The following CALN1 variants were observed in gnomAD, a reference collection of about 807,000 sequenced individuals.
CALN1 encodes calcium-binding protein 8.
Under a neutral mutation model 30.6 loss-of-function variants are expected in CALN1, and 17 were observed. That is an observed-to-expected ratio of 0.56 (90% CI 0.38 to 0.83). CALN1 has a LOEUF of 0.83. Among genes scored for constraint, CALN1 ranks in the 40% least tolerant of loss-of-function variants. The probability of loss-of-function intolerance (pLI) is 0.00; values close to 1 mark genes in which losing one functional copy is unlikely to be tolerated. For synonymous variants in CALN1, 156 were observed against 131.4 expected, an observed-to-expected ratio of 1.19 and a Z score of -1.28; for missense variants, 291 against 354.9, an observed-to-expected ratio of 0.82 and a Z score of 1.45.
chr7:72,468,049 C>T, the CALN1 span, among the ~76,000 whole-genome samples: 1 of 152,188 alleles, frequency 6.6e-6, no homozygotes, highest in African/African-American at 2.4e-5. Context: ...TTTCAAGGTC[C>T]ATCCATGTTG....
intron 2 of CALN1, among the ~76,000 whole-genome samples, chr7:72,329,852 A>G (rs1290391491): frequency 6.6e-6 from 1 of 151,822 alleles, no homozygotes; most frequent in African/African-American, 2.4e-5. Context: ...TATTCAGGAG[A>G]CTGAGGCAGG....
chr7:72,230,725 C>A, intron 3 of CALN1, among the ~76,000 whole-genome samples: 1 of 152,178 alleles, frequency 6.6e-6, no homozygotes, highest in Middle Eastern at 3.2e-3. Context: ...CAGTAAGATG[C>A]ATTCCAAACT....
At chr7:72,189,104 C>T (rs1161698432) in intron 3 of CALN1, among the ~76,000 whole-genome samples, 1 of 152,170 alleles carries the variant, frequency 6.6e-6, no homozygotes, top group Non-Finnish European at 1.5e-5. Flanking sequence ...AGACTCTTAA[C>T]CCCCGCAAAA....
chr7:72,181,110 C>CCCA (rs1491092308), intron 3 of CALN1, among the ~76,000 whole-genome samples: 1 of 28,640 alleles, frequency 3.5e-5, no homozygotes, highest in Non-Finnish European at 8.5e-5. Flanking sequence ...CCCCCCCCCC[C>CCCA]AAAAAAAAAA....
intron 5 of CALN1, among the ~76,000 whole-genome samples, chr7:71,926,134 C>T (rs982640999): frequency 1.3e-5 from 2 of 152,126 alleles, no homozygotes; most frequent in African/African-American, 4.8e-5. Flanking sequence ...GAAGCTAACT[C>T]CCCACATGCT....
At chr7:72,105,638 G>A (rs1807036132) in intron 4 of CALN1, among the ~76,000 whole-genome samples, 1 of 151,290 alleles carries the variant, frequency 6.6e-6, no homozygotes, top group African/African-American at 2.4e-5. Flanking sequence ...ACAAAACCCT[G>A]CACATCCACT....
intron 4 of CALN1, among the ~76,000 whole-genome samples, chr7:72,079,761 CTTTTTTT>C (rs3065015): frequency 0.018 from 1,867 of 104,024 alleles, 30 homozygotes; most frequent in Non-Finnish European, 0.022. Context: ...TGCCTTTTTC[CTTTTTTT>C]TTTTTTTTTT....
At chr7:72,215,283 C>A (rs1426395135) in intron 3 of CALN1, among the ~76,000 whole-genome samples, 2 of 152,132 alleles carry the variant, frequency 1.3e-5, no homozygotes, top group Non-Finnish European at 2.9e-5. Context: ...TGCCTCACCA[C>A]CTCTGTTGAA....
At chr7:71,931,442 T>C (rs1404402406) in intron 5 of CALN1, among the ~76,000 whole-genome samples, 2 of 152,170 alleles carry the variant, frequency 1.3e-5, no homozygotes, top group African/African-American at 4.8e-5. Context: ...GATTTTTGTA[T>C]TTTTAGTAGA....
intron 2 of CALN1, among the ~76,000 whole-genome samples, chr7:72,359,407 G>A (rs1335986203): frequency 6.6e-6 from 1 of 152,180 alleles, no homozygotes; most frequent in African/African-American, 2.4e-5. Context: ...TCTTTCCAGA[G>A]ATATTTTACA....
At chr7:72,476,689 C>T in the CALN1 span, among the ~76,000 whole-genome samples, 1 of 152,336 alleles carries the variant, frequency 6.6e-6, no homozygotes, top group South Asian at 2.1e-4. Context: ...TTCAGGGATG[C>T]TTTTCCAGCT....
chr7:71,852,242 T>C (rs916582152), intron 5 of CALN1, among the ~76,000 whole-genome samples: 4 of 152,174 alleles, frequency 2.6e-5, no homozygotes, highest in Admixed American at 6.5e-5. Flanking sequence ...CCATGAACAA[T>C]CTTGTACACA....
At chr7:72,261,376 C>G (rs1796262079) in intron 3 of CALN1, among the ~76,000 whole-genome samples, 1 of 151,786 alleles carries the variant, frequency 6.6e-6, no homozygotes, top group South Asian at 2.1e-4. Context: ...AATGGTGGCA[C>G]ACTCCTGAGG....
At chr7:72,484,806 C>T in the CALN1 span, among the ~76,000 whole-genome samples, 3 of 152,200 alleles carry the variant, frequency 2.0e-5, no homozygotes, top group Non-Finnish European at 1.5e-5. Context: ...GGGCTTGCCT[C>T]GTTTCTTTAT....
rs946489275 is a variant in CALN1 at position 72,088,326 on chromosome 7, G to A, written c.388+17825C>T. Among the ~76,000 whole-genome samples the A allele has an allele frequency of 3.3e-5, 5 of 152,246 alleles. No homozygotes were observed. In the South Asian group the frequency reaches 1.0e-3, roughly 32 times the overall value. ...TAAGCCAAATTAGATTATTCACAAG[G>A]AAGGAAAAGCAGGTTATCACAAACT... On this transcript the variant is annotated intron_variant, in intron 4 of 6. Transcript: ENST00000395275.
rs181850623 is a variant in CALN1, at chr7:72,121,316, T to C, written c.245-15022A>G. Among the ~76,000 whole-genome samples the C allele has an allele frequency of 3.6e-3, 517 of 144,004 alleles. 6 individuals are homozygous for C. Among genetic ancestry groups the C allele is most frequent in the African/African-American group, 0.012 (488 of 39,674 alleles). The allele number at this position is 144,004 out of a possible 152,430, so 94.5% of individuals were successfully genotyped here. A position where few individuals can be genotyped will look rare whatever the true frequency, so the allele number is the denominator to read the frequency against. On this transcript the variant is annotated intron_variant, in intron 3 of 6. Coordinates refer to ENST00000395275, the MANE Select transcript of CALN1 (RefSeq NM_031468.4). ...TTATATAATTTATAAATTAAGTGAA[T>C]ATATAAATTAAATAATATATAAATT...
intron 4 of CALN1, among the ~76,000 whole-genome samples, chr7:72,103,886 G>A (rs1391609242): frequency 4.6e-5 from 7 of 152,072 alleles, no homozygotes; most frequent in East Asian, 1.9e-4. Flanking sequence ...CAAAGCTTGC[G>A]GGTTATCGTG....
the CALN1 span, among the ~76,000 whole-genome samples, chr7:72,499,869 CTTTCTTTCTTTCTTTCTTTCTTTCT>C: frequency 8.1e-5 from 5 of 61,836 alleles, no homozygotes; most frequent in Non-Finnish European, 1.5e-4. Flanking sequence ...TTCTTTCTTT[CTTTCTTTCTTTCTTTCTTTCTTTCT>C]TTCTTTCTTT....
At chr7:72,392,813 A>T (rs1157635438) in intron 2 of CALN1, among the ~76,000 whole-genome samples, 1 of 143,994 alleles carries the variant, frequency 6.9e-6, no homozygotes, top group African/African-American at 2.6e-5. Context: ...CCCTGTTTAA[A>T]TTAAAAAAGA....
Sources: allele counts gnomAD v4.1 joint callset (sites outside exome capture counted in the v4.1 genomes callset), GRCh38; gene constraint gnomAD v4.1.1; transcripts MANE v1.5; gene names NCBI Gene and HGNC (gene_info 2026-07-23, HGNC 2026-07-21).